The following UBR3 variants were observed in gnomAD, a reference collection of about 807,000 sequenced individuals.
UBR3 encodes E3 ubiquitin-protein ligase UBR3.
In UBR3, 85 loss-of-function variants were observed where a neutral mutation model predicts 243.2. That is an observed-to-expected ratio of 0.35 (90% CI 0.29 to 0.42). The LOEUF is 0.42. Among genes scored for constraint, UBR3 ranks in the 10% least tolerant of loss-of-function variants. UBR3 has a pLI of 1.00. For missense variants in UBR3, 1,686 were observed against 2,300.8 expected (o/e 0.73, Z 5.47); for synonymous variants, 748 against 799.8 (o/e 0.94, Z 1.09).
rs1345477380 is a variant in UBR3, at chr2:170,083,809, C to T, written c.*1966C>T. The T allele has an allele frequency of 6.6e-6, 1 of 152,524 alleles. No homozygotes were observed. The highest frequency in any genetic ancestry group is 1.5e-5 in the Non-Finnish European group (1 of 67,972). The allele number at this position is 152,524 out of a possible 1,614,324, so 9.4% of individuals were successfully genotyped here. On this transcript the variant is annotated 3_prime_UTR_variant, in exon 39 of 39. Coordinates refer to ENST00000272793, the MANE Select transcript of UBR3 (RefSeq NM_172070.4). ...TAGTCACCAGTAAATTTTAAAAAAGCACTTGGTTGAAAATTGTACTTGAAT... is the reference window on the plus strand; with the variant it reads ...TAGTCACCAGTAAATTTTAAAAAAGTACTTGGTTGAAAATTGTACTTGAAT...
At chr2:169,847,160 TA>T (rs1169235772) in intron 1 of UBR3, among the ~76,000 whole-genome samples, 2 of 150,994 alleles carry the variant, frequency 1.3e-5, no homozygotes, top group Non-Finnish European at 3.0e-5. Context: ...CTTGCTATTT[TA>T]AAATCCAGTC....
intron 10 of UBR3, among the ~76,000 whole-genome samples, chr2:169,913,128 G>A (rs960221587): frequency 6.6e-6 from 1 of 152,076 alleles, no homozygotes; most frequent in Non-Finnish European, 1.5e-5. Flanking sequence ...AGTCTCATCA[G>A]CAATATATGA....
intron 1 of UBR3, among the ~76,000 whole-genome samples, chr2:169,836,089 T>G (rs1173355712): frequency 8.8e-6 from 1 of 113,954 alleles, no homozygotes; most frequent in African/African-American, 3.3e-5. Context: ...TTTTTTTTTT[T>G]TTTTGAGATG....
intron 32 of UBR3, among the ~76,000 whole-genome samples, chr2:170,049,385 T>G (rs1251756581): frequency 4.6e-5 from 7 of 152,178 alleles, no homozygotes. Context: ...GGGTTGATCT[T>G]GCTGTCTCAG....
At chr2:169,847,094 T>C (rs2082506818) in intron 1 of UBR3, among the ~76,000 whole-genome samples, 1 of 35,322 alleles carries the variant, frequency 2.8e-5, no homozygotes, top group African/African-American at 6.6e-5. Context: ...TGTGTGTGTG[T>C]GTGTGTGTGT....
At chr2:169,921,371 T>A (rs920797535) in intron 11 of UBR3, among the ~76,000 whole-genome samples, 1 of 152,148 alleles carries the variant, frequency 6.6e-6, no homozygotes, top group Non-Finnish European at 1.5e-5. Flanking sequence ...TAGAAGACTA[T>A]AGAGTGAAGA....
intron 23 of UBR3, among the ~76,000 whole-genome samples, chr2:169,954,543 C>T (rs2087184727): frequency 6.6e-6 from 1 of 151,646 alleles, no homozygotes; most frequent in Non-Finnish European, 1.5e-5. Flanking sequence ...GCTCCTAGCC[C>T]CCAATAATAT....
intron 32 of UBR3, 122 bp downstream of exon 32, chr2:170,041,107 C>T: frequency 1.1e-6 from 1 of 897,402 alleles, no homozygotes; most frequent in Non-Finnish European, 1.6e-6. Flanking sequence ...CTTTAGGAGG[C>T]TGAGGTGGGT....
intron 1 of UBR3, among the ~76,000 whole-genome samples, chr2:169,836,845 T>C (rs533563081): frequency 3.5e-4 from 54 of 152,356 alleles, no homozygotes; most frequent in African/African-American, 1.3e-3. Context: ...TCTGTTTTAC[T>C]GAGTTTTAAG....
chr2:169,842,315 T>C (rs927872005), intron 1 of UBR3, among the ~76,000 whole-genome samples: 1 of 152,134 alleles, frequency 6.6e-6, no homozygotes, highest in Admixed American at 6.5e-5. Context: ...AGAACCTTTG[T>C]ATCTAGCTCA....
At chr2:169,836,649 A>G (rs1558999937) in intron 1 of UBR3, among the ~76,000 whole-genome samples, 1 of 151,602 alleles carries the variant, frequency 6.6e-6, no homozygotes, top group East Asian at 1.9e-4. Context: ...AAAAAAAAAA[A>G]CCAAAAGACA....
chr2:170,026,380 T>C (rs941979159), intron 30 of UBR3, among the ~76,000 whole-genome samples: 1 of 152,160 alleles, frequency 6.6e-6, no homozygotes, highest in Non-Finnish European at 1.5e-5. Flanking sequence ...GTACAAACCA[T>C]GTATGTATCT....
At position 169,866,150 on chromosome 2, in the gene UBR3, C is replaced by CA. The variant is rs578054467; in HGVS notation, c.546-6056dup. 6.4e-3 allele frequency among the ~76,000 whole-genome samples: 341 copies of CA among 53,372 alleles called. 90 individuals carry two copies. Among genetic ancestry groups the CA allele is most frequent in the African/African-American group, 0.031 (290 of 9,452 alleles). 35.0% of individuals were successfully genotyped at this position (53,372 alleles called of 152,430 possible). On this transcript the variant is annotated intron_variant, in intron 1 of 38. Transcript: ENST00000272793. ...TGGGCAACAGAGCGAGACTGTGTCT[C>CA]AAAAAAAAAAAAAAAAAAAAAAAAA...
intron 29 of UBR3, among the ~76,000 whole-genome samples, chr2:170,010,195 A>G (rs548121376): frequency 2.0e-4 from 31 of 152,300 alleles, no homozygotes; most frequent in Admixed American, 1.4e-3. Context: ...TAGTTACTAC[A>G]TTCTTGCAAT....
rs1380745932 is a variant in UBR3 at position 170,061,354 on chromosome 2, A to C, written c.4930A>C (p.Lys1644Gln). The C allele has an allele frequency of 6.2e-7, 1 of 1,614,184 alleles. No individual in the cohort carries two copies. Among genetic ancestry groups the C allele is most frequent in the Non-Finnish European group, 8.5e-7 (1 of 1,179,998 alleles). Residue 1644 changes from lysine to glutamine, a missense_variant, in exon 35 of 39, where the codon AAA becomes CAA. Lys to Gln is a moderately conservative substitution (Grantham distance 53). This residue lies in a region of UBR3 where 371 missense variants were observed against 422.5 expected (regional missense o/e 0.88). Transcript: ENST00000272793. Reference sequence around the variant, plus strand: ...TGCTTGGTCTCCTGAATCCATGGAAAAATGCTTACAGGACTTCTGCTTACC... The same window carrying C: ...TGCTTGGTCTCCTGAATCCATGGAACAATGCTTACAGGACTTCTGCTTACC... ...PIAWSPESMEKCLQDFCLPFL... is the reference protein window; with the variant it reads ...PIAWSPESMEQCLQDFCLPFL...
intron 11 of UBR3, among the ~76,000 whole-genome samples, chr2:169,922,210 C>T (rs1017370090): frequency 1.3e-5 from 2 of 150,716 alleles, no homozygotes; most frequent in African/African-American, 2.4e-5. Flanking sequence ...GACTTGAGCC[C>T]GGGAGGTGGA....
At chr2:170,014,008 G>A (rs907434973) in intron 29 of UBR3, 7 of 454,338 alleles carry the variant, frequency 1.5e-5, no homozygotes, top group Middle Eastern at 3.3e-4. Context: ...AATGCAAATC[G>A]CCTGAAGGGT....
chr2:170,080,740 C>G, intron 38 of UBR3, 56 bp downstream of exon 38: 8 of 1,549,436 alleles, frequency 5.2e-6, no homozygotes, highest in Non-Finnish European at 7.0e-6. Context: ...CAGTGAAAAC[C>G]AATATGCTAT....
chr2:169,983,988 A>G (rs931348603), intron 24 of UBR3, among the ~76,000 whole-genome samples: 1 of 152,302 alleles, frequency 6.6e-6, no homozygotes, highest in Admixed American at 6.5e-5. Context: ...TATTTTCATT[A>G]TTAGTCTCTA....
Sources: gnomAD v4.1 joint callset for allele counts (sites outside exome capture counted in the v4.1 genomes callset) on GRCh38, gnomAD v4.1.1 for gene constraint, gnomAD v4.1.1 regional missense constraint, MANE v1.5 for transcripts, NCBI Gene and HGNC (gene_info 2026-07-23, HGNC 2026-07-21) for gene names.